Variants in SGCG observed in about 807,000 individuals in gnomAD.
SGCG encodes the protein gamma-sarcoglycan.
SGCG carries 26 observed loss-of-function variants against 29.3 expected under a neutral mutation model. The observed-to-expected ratio is 0.89, with a 90% CI of 0.65 to 1.23. SGCG has a LOEUF of 1.23. Among genes scored for constraint, SGCG ranks in the 50% most tolerant of loss-of-function variants. The pLI, the probability that SGCG is intolerant of heterozygous loss-of-function variation, is 0.00. For missense variants in SGCG, 353 were observed against 356.0 expected (o/e 0.99, Z 0.07); for synonymous variants, 145 against 129.7 (o/e 1.12, Z -0.80).
At chr13:23,308,696 C>T (rs1314475117) in intron 6 of SGCG, among the ~76,000 whole-genome samples, 1 of 152,110 alleles carries the variant, frequency 6.6e-6, no homozygotes, top group Non-Finnish European at 1.5e-5. Flanking sequence ...CCCTGAGTAG[C>T]TGGAATTGCA....
chr13:23,274,395 C>CTTTTTTTTTTTT (rs869153381), intron 4 of SGCG, among the ~76,000 whole-genome samples: 15 of 85,252 alleles, frequency 1.8e-4, no homozygotes, highest in African/African-American at 2.8e-4. Flanking sequence ...CTTTCTTTCT[C>CTTTTTTTTTTTT]TTTTTTTTTT....
chr13:23,282,707 T>C (rs1031433238), intron 5 of SGCG, among the ~76,000 whole-genome samples: 1 of 120,662 alleles, frequency 8.3e-6, no homozygotes, highest in Admixed American at 8.1e-5. Context: ...ATTTTCTTTA[T>C]CCAGTCTGTT....
intron 2 of SGCG, among the ~76,000 whole-genome samples, chr13:23,224,710 G>C (rs9510638): frequency 0.59 from 89,584 of 151,236 alleles, 27,088 homozygotes; most frequent in East Asian, 0.86. Context: ...CTGCTAACTA[G>C]CGAGTACATT....
chr13:23,171,876 C>A, the SGCG span, among the ~76,000 whole-genome samples: 1 of 152,194 alleles, frequency 6.6e-6, no homozygotes, highest in Non-Finnish European at 1.5e-5. Context: ...GGCCATGTAC[C>A]AGTATCGGTT....
At position 23,249,976 on chromosome 13, in the gene SGCG, T is replaced by C. The variant is rs535879483; in HGVS notation, c.298-654T>C. 1.4e-3 allele frequency among the ~76,000 whole-genome samples: 210 copies of C among 152,342 alleles called. 1 individual carries two copies. The highest frequency in any genetic ancestry group is 4.9e-3 in the African/African-American group (205 of 41,586). ...TTTTAAATAATCAACTCAGACTGCA[T>C]GTGCTTTTTCAAAACTATTGTTTAC... is the stretch of plus-strand genomic sequence containing the variant. On this transcript the variant is annotated intron_variant, in intron 3 of 7. Transcript: ENST00000218867.
chr13:23,237,781 T>G (rs904386991), intron 3 of SGCG, among the ~76,000 whole-genome samples: 2 of 139,424 alleles, frequency 1.4e-5, no homozygotes, highest in Non-Finnish European at 3.1e-5. Flanking sequence ...TGAAATTTCA[T>G]ATGATGAAAT....
chr13:23,178,270 G>A (rs1389814078), upstream of SGCG, among the ~76,000 whole-genome samples: 1 of 152,170 alleles, frequency 6.6e-6, no homozygotes, highest in Non-Finnish European at 1.5e-5. Flanking sequence ...AGCAAGGAGG[G>A]AAGGCAAGCA....
At chr13:23,187,428 T>C (rs1167747073) in intron 1 of SGCG, among the ~76,000 whole-genome samples, 1 of 152,182 alleles carries the variant, frequency 6.6e-6, no homozygotes, top group African/African-American at 2.4e-5. Context: ...TGATTTCTGT[T>C]TCCACAGGAA....
chr13:23,276,568 G>C (rs1320211143), intron 4 of SGCG, among the ~76,000 whole-genome samples: 1 of 151,420 alleles, frequency 6.6e-6, no homozygotes, highest in Admixed American at 6.6e-5. Flanking sequence ...CAGTAGCTGG[G>C]ACTACAGGCG....
intron 6 of SGCG, among the ~76,000 whole-genome samples, chr13:23,303,630 T>C (rs1175525128): frequency 2.0e-5 from 3 of 152,200 alleles, no homozygotes; most frequent in African/African-American, 7.2e-5. Context: ...CACATACAAG[T>C]TCCCAGGTAT....
intron 1 of SGCG, among the ~76,000 whole-genome samples, chr13:23,190,206 T>C (rs1040763924): frequency 1.2e-4 from 19 of 152,124 alleles, no homozygotes; most frequent in African/African-American, 4.1e-4. Flanking sequence ...TTTTAGTAAA[T>C]TGGTATTTGA....
intron 2 of SGCG, among the ~76,000 whole-genome samples, chr13:23,212,469 T>TTGATAAATC (rs1477980437): frequency 6.6e-6 from 1 of 152,174 alleles, no homozygotes; most frequent in African/African-American, 2.4e-5. Context: ...TTATGCTCTG[T>TTGATAAATC]AAGTATTTCT....
chr13:23,243,955 T>G (rs1216304040), intron 3 of SGCG: 1 of 152,142 alleles, frequency 6.6e-6, no homozygotes, highest in Non-Finnish European at 1.5e-5. Flanking sequence ...TAGGTCCATC[T>G]GCTTCCACAA....
At chr13:23,238,259 A>G (rs1879383096) in intron 3 of SGCG, among the ~76,000 whole-genome samples, 2 of 152,192 alleles carry the variant, frequency 1.3e-5, no homozygotes, top group African/African-American at 4.8e-5. Context: ...AGGCAGCTGC[A>G]GTTTGCAAGG....
intron 1 of SGCG, among the ~76,000 whole-genome samples, chr13:23,190,092 G>A (rs517817): frequency 1.3e-5 from 2 of 151,712 alleles, no homozygotes; most frequent in Non-Finnish European, 2.9e-5. Context: ...ATAATGAGGG[G>A]AATCAATACT....
At chr13:23,212,368 T>C (rs1374383680) in intron 2 of SGCG, among the ~76,000 whole-genome samples, 1 of 121,468 alleles carries the variant, frequency 8.2e-6, no homozygotes, top group East Asian at 2.0e-4. Context: ...CTCGGACTTA[T>C]TTTTCCCAGC....
chr13:23,208,358 T>C (rs1312117461), intron 2 of SGCG, among the ~76,000 whole-genome samples: 1 of 152,166 alleles, frequency 6.6e-6, no homozygotes, highest in East Asian at 1.9e-4. Context: ...AATGTTTCAC[T>C]GTAGAAAACA....
intron 5 of SGCG, among the ~76,000 whole-genome samples, chr13:23,283,063 T>A (rs1470860643): frequency 6.6e-6 from 1 of 152,188 alleles, no homozygotes. Flanking sequence ...GGAATTAGTG[T>A]GATGTGGTGC....
At chr13:23,194,789 G>A (rs3794367) in intron 1 of SGCG, among the ~76,000 whole-genome samples, 86,995 of 152,000 alleles carry the variant, frequency 0.57, 25,363 homozygotes, top group Non-Finnish European at 0.62. Flanking sequence ...GACCACAACC[G>A]TGGGGAGCTG....
Sources: gnomAD v4.1 joint callset for allele counts (sites outside exome capture counted in the v4.1 genomes callset) on GRCh38, gnomAD v4.1.1 for gene constraint, MANE v1.5 for transcripts, NCBI Gene and HGNC (gene_info 2026-07-23, HGNC 2026-07-21) for gene names.